Variants in XRCC4 observed in about 807,000 individuals in gnomAD.
XRCC4 encodes the protein X-ray repair cross complementing 4.
XRCC4 carries 28 observed loss-of-function variants against 39.1 expected under a neutral mutation model. The observed-to-expected ratio is 0.72, with a 90% CI of 0.53 to 0.98. The LOEUF (loss-of-function observed/expected upper bound fraction) is 0.98. XRCC4 is among the 50% of genes least tolerant of loss of function. XRCC4 has a pLI of 0.00. For missense variants in XRCC4, 350 were observed against 376.4 expected (o/e 0.93, Z 0.58); for synonymous variants, 123 against 126.4 (o/e 0.97, Z 0.18).
At chr5:83,277,516 G>C (rs924564805) in intron 7 of XRCC4, among the ~76,000 whole-genome samples, 3 of 152,172 alleles carry the variant, frequency 2.0e-5, no homozygotes, top group African/African-American at 7.2e-5. Flanking sequence ...CTGACATGTT[G>C]GGGTATTTGT....
intron 6 of XRCC4, among the ~76,000 whole-genome samples, chr5:83,216,427 A>G (rs1751861329): frequency 6.6e-6 from 1 of 152,226 alleles, no homozygotes; most frequent in African/African-American, 2.4e-5. Flanking sequence ...AGTAAAATAC[A>G]TACTTACCCT....
At chr5:83,146,280 A>T (rs1178599371) in intron 3 of XRCC4, among the ~76,000 whole-genome samples, 2 of 152,180 alleles carry the variant, frequency 1.3e-5, no homozygotes, top group African/African-American at 4.8e-5. Context: ...GATTTGTGAG[A>T]CTAAACAATC....
In XRCC4 at chr5:83,238,133, T is replaced by C. The variant is rs907951327; in HGVS notation, c.746-20397T>C. On this transcript the variant is annotated intron_variant, in intron 6 of 7. Transcript: ENST00000396027. ...GCACTCTATCATGCCCAGCTTCTTC[T>C]ATCTGATTTTTGAGAGGCCTTATGG... Among the ~76,000 whole-genome samples, 18 of 152,316 alleles carry C rather than the reference T, an allele frequency of 1.2e-4. 1 individual carries two copies. Among genetic ancestry groups the C allele is most frequent in the Admixed American group, 6.5e-5 (1 of 15,286 alleles).
chr5:83,327,136 T>G (rs113514892), intron 7 of XRCC4, among the ~76,000 whole-genome samples: 11 of 152,196 alleles, frequency 7.2e-5, no homozygotes, highest in African/African-American at 2.6e-4. Context: ...TTTGACAAAT[T>G]TATATAGTCA....
chr5:83,219,816 G>A (rs1307380540), intron 6 of XRCC4, among the ~76,000 whole-genome samples: 1 of 152,070 alleles, frequency 6.6e-6, no homozygotes, highest in Non-Finnish European at 1.5e-5. Context: ...AGTATATTTA[G>A]TTAAACACGT....
At chr5:83,134,997 C>T (rs1186092481) in intron 3 of XRCC4, among the ~76,000 whole-genome samples, 1 of 152,202 alleles carries the variant, frequency 6.6e-6, no homozygotes, top group Non-Finnish European at 1.5e-5. Flanking sequence ...AAGGAACAAA[C>T]TCTGGACACA....
rs1580207196 is a variant in XRCC4 at position 83,093,901 on chromosome 5, GC to G, written c.-10-11005del. On this transcript the variant is annotated intron_variant, in intron 1 of 7. Transcript: ENST00000396027. ...TTCTTGGTTGGCAGCATTTTTTTACGCCCCATCCCCCGAGCAGTTTGAATAT... is the reference window on the plus strand; with the variant it reads ...TTCTTGGTTGGCAGCATTTTTTTACGCCCATCCCCCGAGCAGTTTGAATAT... Among the ~76,000 whole-genome samples, 3 of 151,850 alleles carry G rather than the reference GC, an allele frequency of 2.0e-5. No homozygotes were observed. The East Asian group carries it at 5.9e-4, about 30-fold the overall frequency.
At chr5:83,114,593 G>A (rs1409487430) in intron 3 of XRCC4, among the ~76,000 whole-genome samples, 1 of 152,150 alleles carries the variant, frequency 6.6e-6, no homozygotes, top group African/African-American at 2.4e-5. Flanking sequence ...GTCTGTATTA[G>A]CATTTTGTTC....
At chr5:83,089,165 A>G (rs2112307521) in intron 1 of XRCC4, among the ~76,000 whole-genome samples, 1 of 152,306 alleles carries the variant, frequency 6.6e-6, no homozygotes, top group East Asian at 1.9e-4. Flanking sequence ...ATGACTTCTA[A>G]TCTGGATTAA....
intron 6 of XRCC4, among the ~76,000 whole-genome samples, chr5:83,251,689 T>G (rs1362434088): frequency 1.3e-5 from 2 of 152,198 alleles, no homozygotes; most frequent in Non-Finnish European, 2.9e-5. Context: ...GAGTATTAGA[T>G]TTCCAAAGAT....
intron 6 of XRCC4, 133 bp from the exon 7 acceptor site, chr5:83,258,397 G>C: frequency 9.2e-7 from 1 of 1,081,210 alleles, no homozygotes; most frequent in Non-Finnish European, 1.3e-6. Context: ...CAACAAATCT[G>C]CATAAAGATT....
intron 7 of XRCC4, among the ~76,000 whole-genome samples, chr5:83,297,628 T>G (rs1187055427): frequency 6.6e-6 from 1 of 151,734 alleles, no homozygotes; most frequent in Middle Eastern, 3.2e-3. Context: ...ATTTATTAAA[T>G]TTTAAACAAT....
intron 3 of XRCC4, among the ~76,000 whole-genome samples, chr5:83,115,450 CAAAA>C (rs368143338): frequency 6.6e-6 from 1 of 151,932 alleles, no homozygotes; most frequent in African/African-American, 2.4e-5. Flanking sequence ...AACAAACAAA[CAAAA>C]AAACAAGATG....
chr5:83,367,285 T>C, the XRCC4 span, among the ~76,000 whole-genome samples: 1 of 152,274 alleles, frequency 6.6e-6, no homozygotes, highest in Non-Finnish European at 1.5e-5. Context: ...TTAGCATTGA[T>C]AGTGTTCACA....
chr5:83,114,262 T>C (rs188653530), intron 3 of XRCC4, among the ~76,000 whole-genome samples: 56 of 152,334 alleles, frequency 3.7e-4, no homozygotes, highest in Non-Finnish European at 6.8e-4. Flanking sequence ...ATTGTCTTGG[T>C]GATTAACATT....
chr5:83,310,071 A>G (rs1755653459), intron 7 of XRCC4, among the ~76,000 whole-genome samples: 1 of 152,160 alleles, frequency 6.6e-6, no homozygotes, highest in African/African-American at 2.4e-5. Flanking sequence ...CCTGTTGGGG[A>G]TAAAAGATGT....
chr5:83,281,504 G>T (rs939316958), intron 7 of XRCC4, among the ~76,000 whole-genome samples: 2,201 of 132,358 alleles, frequency 0.017, 16 homozygotes, highest in Non-Finnish European at 0.024. Flanking sequence ...TTTTTGTTTT[G>T]TTTTTTTTTT....
intron 7 of XRCC4, among the ~76,000 whole-genome samples, chr5:83,262,524 C>G (rs935584218): frequency 7.9e-5 from 12 of 151,790 alleles, no homozygotes; most frequent in African/African-American, 2.9e-4. Flanking sequence ...TCAGTTAATA[C>G]CTGAAATACT....
chr5:83,132,207 C>A (rs1303337085), intron 3 of XRCC4, among the ~76,000 whole-genome samples: 2 of 152,060 alleles, frequency 1.3e-5, no homozygotes, highest in African/African-American at 2.4e-5. Flanking sequence ...TGAATATTGG[C>A]CCCCACTCTC....
Sources: allele counts gnomAD v4.1 joint callset (sites outside exome capture counted in the v4.1 genomes callset), GRCh38; gene constraint gnomAD v4.1.1; transcripts MANE v1.5; gene names NCBI Gene and HGNC (gene_info 2026-07-23, HGNC 2026-07-21).